The following FCHSD1 variants were observed in gnomAD, a reference collection of about 807,000 sequenced individuals.
FCHSD1 encodes F-BAR and double SH3 domains protein 1.
In FCHSD1, 109 loss-of-function variants were observed where a neutral mutation model predicts 101.3. The observed-to-expected ratio is 1.08, with a 90% CI of 0.92 to 1.26. The LOEUF is 1.26. FCHSD1 is among the 50% of genes most tolerant of loss of function. The pLI, the probability that FCHSD1 is intolerant of heterozygous loss-of-function variation, is 0.00. For synonymous variants in FCHSD1, 291 were observed against 356.8 expected (o/e 0.82, Z 2.08); for missense variants, 820 against 895.8 (o/e 0.92, Z 1.08).
chr5:141,650,129 G>A (rs2099908185), intron 3 of FCHSD1, among the ~76,000 whole-genome samples, 175 bp from the exon 4 acceptor site: 1 of 152,194 alleles, frequency 6.6e-6, no homozygotes, highest in South Asian at 2.1e-4. Context: ...CTACATGAAG[G>A]TAAGGTATTA....
At position 141,647,277 on chromosome 5, in the gene FCHSD1, C is replaced by A. The variant is rs1347659496; in HGVS notation, c.829-47G>T. 14 of 1,574,462 alleles carry A rather than the reference C, an allele frequency of 8.9e-6. No individual in the cohort carries two copies. The Admixed American group carries it at 1.3e-4, about 15-fold the overall frequency. On this transcript the variant is annotated intron_variant, in intron 9 of 19. Coordinates refer to ENST00000435817, the MANE Select transcript of FCHSD1 (RefSeq NM_033449.3). The stretch of plus-strand genomic sequence containing the variant: ...AGTCACTCATTCACTGACTCACTCT[C>A]CAACCCTGTCCCTAGCACTTCTTGG...
chr5:141,647,430 G>T lies in FCHSD1; in HGVS notation c.796C>A (p.His266Asn). The change falls in exon 9 of 20, where the codon CAT (histidine) becomes AAT (asparagine). Residue 266 changes from histidine (H) to asparagine (N), a missense_variant. His to Asn is a moderately conservative substitution (Grantham distance 68). Coordinates refer to ENST00000435817, the MANE Select transcript of FCHSD1 (RefSeq NM_033449.3). ...GTTGTCTGCTCCCCGCGGTGGGCAT[G>T]CTCCAGGATGACCTCTGCGGCTTCC... ...ELEAAEVILEHAHRGEQTTSQ... is the reference protein window; with the variant it reads ...ELEAAEVILENAHRGEQTTSQ... 1 of 1,607,046 alleles carries T rather than the reference G, an allele frequency of 6.2e-7. No homozygotes were observed. Among genetic ancestry groups the T allele is most frequent in the South Asian group, 1.1e-5 (1 of 90,388 alleles).
chr5:141,648,949 C>T lies in FCHSD1; in HGVS notation c.576+8G>A. 1 of 1,613,946 alleles carries T rather than the reference C, an allele frequency of 6.2e-7. No individual in the cohort carries two copies. The highest frequency in any genetic ancestry group is 8.5e-7 in the Non-Finnish European group (1 of 1,179,872). On this transcript the variant is annotated splice_region_variant and intron_variant, in intron 7 of 19. Transcript: ENST00000435817. ...CCCTGCCCCCACTCATGCCCTCATC[C>T]CTCGAACCTTGGTGCTCAGTTTCTG...
chr5:141,639,689 G>T lies in FCHSD1; in HGVS notation c.*1809C>A, dbSNP rs1427368785. On this transcript the variant is annotated 3_prime_UTR_variant, in exon 20 of 20. Transcript: ENST00000435817. This position sits in a 1 kb window ranked among gnomAD's most constrained non-coding sequence, Gnocchi z 4.4. The stretch of plus-strand genomic sequence containing the variant: ...CCAGGGAAAGGGGGGCTGAGGTAGG[G>T]GGCCCAGTGATCAGGCACCTGATCC... The T allele has an allele frequency of 4.5e-6, 7 of 1,555,986 alleles. No individual in the cohort carries two copies. Among genetic ancestry groups the T allele is most frequent in the East Asian group, 2.3e-5 (1 of 44,328 alleles).
intron 1 of FCHSD1, 112 bp downstream of exon 1, chr5:141,651,236 G>A: frequency 6.6e-7 from 1 of 1,523,092 alleles, no homozygotes; most frequent in Non-Finnish European, 8.9e-7. Flanking sequence ...GTTACTTCTG[G>A]TTTGGGGTCT....
rs200855332 is a variant in FCHSD1, at chr5:141,649,247, C to G, written c.437G>C (p.Arg146Pro). ...EVLQSVRELSRSRKLYGQRER... is the reference protein window; with the variant it reads ...EVLQSVRELSPSRKLYGQRER... ...CCGCTGCCCATACAGCTTCCGACTT[C>G]GGCTCAGCTCCCGGACAGACTGCAG... Residue 146 changes from arginine (R) to proline (P), a missense_variant, in exon 6 of 20, where the codon CGA (arginine) becomes CCA (proline). Transcript: ENST00000435817. The surrounding 1 kb of genome is among the most constrained non-coding windows in gnomAD (Gnocchi z 4.1). 2 of 1,614,016 alleles carry G rather than the reference C, an allele frequency of 1.2e-6. No individual in the cohort carries two copies. The highest frequency in any genetic ancestry group is 1.7e-5 in the Admixed American group (1 of 60,032).
Position 141,648,036 on chromosome 5 carries a change from G to C in FCHSD1, c.637C>G (p.Leu213Val), listed in dbSNP as rs745344233. 1 of 1,613,510 alleles carries C rather than the reference G, an allele frequency of 6.2e-7. No individual in the cohort carries two copies. Among genetic ancestry groups the C allele is most frequent in the African/African-American group, 1.3e-5 (1 of 74,912 alleles). ...QLQAARNEYL[L>V]NLVATNAHLD... ...TGGGCATTGGTAGCCACCAAGTTAAGCAGGTACTCATTGCGGGCTGCTTGC... is the reference window on the plus strand; with the variant it reads ...TGGGCATTGGTAGCCACCAAGTTAACCAGGTACTCATTGCGGGCTGCTTGC... Residue 213 changes from leucine (L) to valine (V), a missense_variant, in exon 8 of 20, where the codon CTT (leucine) becomes GTT (valine). Leu to Val is a conservative substitution (Grantham distance 32). Coordinates refer to ENST00000435817, the MANE Select transcript of FCHSD1 (RefSeq NM_033449.3).
intron 7 of FCHSD1, among the ~76,000 whole-genome samples, chr5:141,648,486 T>A (rs1419100275): frequency 6.6e-6 from 1 of 152,226 alleles, no homozygotes; most frequent in Non-Finnish European, 1.5e-5. Context: ...TCTGCAATGT[T>A]CTTCCCCTAG....
In FCHSD1 at chr5:141,651,349, T is replaced by C. The variant is rs1264690159; in HGVS notation, c.20A>G (p.Lys7Arg). The change falls in exon 1 of 20, where the codon AAA (lysine) becomes AGA (arginine). Residue 7 changes from lysine to arginine, a missense_variant and splice_region_variant. Transcript: ENST00000435817. Reference protein sequence around the residue: MQPPPRKVKPAQEVKLR... With the variant: MQPPPRRVKPAQEVKLR... ...GTCCCCATTCAGGGCCAAGCTCACT[T>C]TTCGGGGCGGCGGCTGCATCTCCGC... 44 of 1,553,782 alleles carry C rather than the reference T, an allele frequency of 2.8e-5. No individual in the cohort carries two copies. Among genetic ancestry groups the C allele is most frequent in the Non-Finnish European group, 3.4e-5 (39 of 1,148,390 alleles).
rs2099906704 is a variant in FCHSD1, at chr5:141,640,354, G to A, written c.*1144C>T. 1.2e-6 allele frequency: 2 copies of A among 1,614,092 alleles called. No homozygotes were observed. Among genetic ancestry groups the A allele is most frequent in the African/African-American group, 1.3e-5 (1 of 75,030 alleles). On this transcript the variant is annotated 3_prime_UTR_variant, in exon 20 of 20. Coordinates refer to ENST00000435817, the MANE Select transcript of FCHSD1 (RefSeq NM_033449.3). ...GGCTCTTATTGCTCTCTACTCTGGG[G>A]GGCACTGATAGGACCTACTCCTGGT... is the stretch of plus-strand genomic sequence containing the variant.
In FCHSD1 at chr5:141,640,384, CATT is replaced by C. The variant is rs2099906710; in HGVS notation, c.*1111_*1113del. ...CTGATAGGACCTACTCCTGGTCTCT[CATT>C]GTTGACCCCTCCCCTTTCTCTCAGG... On this transcript the variant is annotated 3_prime_UTR_variant, in exon 20 of 20. Coordinates refer to ENST00000435817, the MANE Select transcript of FCHSD1 (RefSeq NM_033449.3). 2 of 1,614,180 alleles carry C rather than the reference CATT, an allele frequency of 1.2e-6. No individual in the cohort carries two copies. The highest frequency in any genetic ancestry group is 8.5e-7 in the Non-Finnish European group (1 of 1,180,014).
rs1470183026 is a variant in FCHSD1 at position 141,645,016 on chromosome 5, A to G, written c.1440+4T>C. On this transcript the variant is annotated splice_donor_region_variant and intron_variant, in intron 14 of 19. Coordinates refer to ENST00000435817, the MANE Select transcript of FCHSD1 (RefSeq NM_033449.3). ...CCATCAGAGGTCCCCACCCCCATTC[A>G]TACCTGATAGCGAAATACCACGTGT... 6.8e-6 allele frequency: 11 copies of G among 1,612,580 alleles called. No individual in the cohort carries two copies. The Admixed American group carries it at 1.7e-4, about 24-fold the overall frequency.
Position 141,644,656 on chromosome 5 carries a change from G to A in FCHSD1, c.1559C>T (p.Pro520Leu), listed in dbSNP as rs775079913. 3 of 1,613,974 alleles carry A rather than the reference G, an allele frequency of 1.9e-6. No homozygotes were observed. The South Asian group carries it at 3.3e-5, about 18-fold the overall frequency. Residue 520 changes from proline (P) to leucine (L), a missense_variant, in exon 16 of 20, where the codon CCT becomes CTT. Physicochemically the swap from Pro to Leu is moderately conservative, Grantham distance 98 (BLOSUM62 -3). Transcript: ENST00000435817. ...GTCCGGGAAGTTGAGATATCGCTCA[G>A]GGACAAAGCCTACCTCGCCGTGCTG... ...RNQHGEVGFV[P>L]ERYLNFPDLS...
chr5:141,644,921 T>C lies in FCHSD1; in HGVS notation c.1462A>G (p.Thr488Ala). Residue 488 changes from threonine to alanine, a missense_variant, in exon 15 of 20, where the codon ACA becomes GCA. Thr to Ala is a moderately conservative substitution (Grantham distance 58). Coordinates refer to ENST00000435817, the MANE Select transcript of FCHSD1 (RefSeq NM_033449.3). ...TCCAGCCACTCACCCTCCGTGATTG[T>C]CAGCTCATCCTCACGCCCTGCCTGG... ...RYQAGREDELTITEGEWLEVI... is the reference protein window; with the variant it reads ...RYQAGREDELAITEGEWLEVI... 6.2e-7 allele frequency: 1 copy of C among 1,613,914 alleles called. No homozygotes were observed. The highest frequency in any genetic ancestry group is 8.5e-7 in the Non-Finnish European group (1 of 1,179,852).
In FCHSD1 at chr5:141,640,529, C is replaced by A. The variant is rs571156836; in HGVS notation, c.*969G>T. 2 of 1,606,140 alleles carry A rather than the reference C, an allele frequency of 1.2e-6. No individual in the cohort carries two copies. Among genetic ancestry groups the A allele is most frequent in the South Asian group, 2.2e-5 (2 of 90,120 alleles). On this transcript the variant is annotated 3_prime_UTR_variant, in exon 20 of 20. Transcript: ENST00000435817. The stretch of plus-strand genomic sequence containing the variant: ...ATTTAAGCCTTTCGGCTCCCTGAAC[C>A]CCCCGAGTAAACTGCAGGCTTAGCC...
chr5:141,650,081 C>A, intron 3 of FCHSD1, 127 bp from the exon 4 acceptor site: 2 of 990,616 alleles, frequency 2.0e-6, no homozygotes, highest in Non-Finnish European at 3.0e-6. Context: ...TTGCTAAATG[C>A]CTTATAGTCA....
At chr5:141,648,890 G>A in intron 7 of FCHSD1, 67 bp downstream of exon 7, 1 of 1,578,566 alleles carries the variant, frequency 6.3e-7, no homozygotes. Flanking sequence ...ATGCACCTAT[G>A]TTCCAAACCA....
At chr5:141,645,748 G>C (rs755332630) in intron 13 of FCHSD1, 23 bp downstream of exon 13, 3 of 1,602,052 alleles carry the variant, frequency 1.9e-6, no homozygotes, top group Non-Finnish European at 2.6e-6. Context: ...GTAAGGATGG[G>C]TAGTGTTGGG....
chr5:141,642,932 C>G lies in FCHSD1; in HGVS notation c.1951+69G>C. The G allele has an allele frequency of 6.8e-6, 10 of 1,463,666 alleles. No individual in the cohort carries two copies. The South Asian group carries it at 9.9e-5, about 14-fold the overall frequency. 90.7% of individuals were successfully genotyped at this position (1,463,666 alleles called of 1,614,324 possible). ...GGCACGGAGAGGACCAGAGCGTGAC[C>G]TGGGAGTCCAAGCTTCCTCCTTCTT... On this transcript the variant is annotated intron_variant, in intron 18 of 19. Coordinates refer to ENST00000435817, the MANE Select transcript of FCHSD1 (RefSeq NM_033449.3).
Sources: allele counts gnomAD v4.1 joint callset (sites outside exome capture counted in the v4.1 genomes callset), GRCh38; gene constraint gnomAD v4.1.1; non-coding constraint Gnocchi (gnomAD v3.1); transcripts MANE v1.5; gene names NCBI Gene and HGNC (gene_info 2026-07-23, HGNC 2026-07-21).